CCDC83: variants seen among roughly 807,000 people sequenced by gnomAD.
CCDC83 encodes the protein coiled-coil domain containing 83.
CCDC83 carries 54 observed loss-of-function variants against 50.1 expected under a neutral mutation model. That is an observed-to-expected ratio of 1.08 (90% CI 0.87 to 1.35). The LOEUF is 1.35. Ranked by LOEUF, CCDC83 falls within the 40% of genes most tolerant of loss-of-function variation. The pLI, the probability that CCDC83 is intolerant of heterozygous loss-of-function variation, is 0.00. For synonymous variants in CCDC83, 161 were observed against 153.3 expected, an observed-to-expected ratio of 1.05 and a Z score of -0.37; for missense variants, 518 against 473.9, an observed-to-expected ratio of 1.09 and a Z score of -0.86.
At chr11:85,918,609 C>G (rs530145491) in intron 10 of CCDC83, among the ~76,000 whole-genome samples, 1 of 152,204 alleles carries the variant, frequency 6.6e-6, no homozygotes, top group East Asian at 1.9e-4. Flanking sequence ...TGAGACAGGT[C>G]TCAATCAATT....
At chr11:85,863,587 AGACAGCCT>A (rs2093190075) in intron 1 of CCDC83, among the ~76,000 whole-genome samples, 1 of 152,252 alleles carries the variant, frequency 6.6e-6, no homozygotes, top group Admixed American at 6.5e-5. Flanking sequence ...ACAGACATAA[AGACAGCCT>A]GACTGGAAGT....
At position 85,915,460 on chromosome 11, in the gene CCDC83, C is replaced by T. The variant is rs1289744896; in HGVS notation, c.836C>T (p.Pro279Leu). 6.2e-7 allele frequency: 1 copy of T among 1,613,234 alleles called. No homozygotes were observed. Among genetic ancestry groups the T allele is most frequent in the African/African-American group, 1.3e-5 (1 of 74,866 alleles). The change falls in exon 9 of 11, where the codon CCT becomes CTT. Residue 279 changes from proline (P) to leucine (L), a missense_variant. By Grantham distance (98) the Pro-to-Leu change is moderately conservative. Transcript: ENST00000342404. ...LTQAAGLEVP[P>L]EEMSLELPET... ...CAAGCTGCTGGACTAGAAGTGCCACCTGAAGAAATGTCTTTGGAATTGCCA... is the reference window on the plus strand; with the variant it reads ...CAAGCTGCTGGACTAGAAGTGCCACTTGAAGAAATGTCTTTGGAATTGCCA...
At chr11:85,902,563 C>G (rs998657848) in intron 7 of CCDC83, among the ~76,000 whole-genome samples, 1 of 152,196 alleles carries the variant, frequency 6.6e-6, no homozygotes, top group Non-Finnish European at 1.5e-5. Context: ...ACCAGCTGTG[C>G]AACCGGTGCA....
chr11:85,909,331 C>T (rs1439754824), intron 7 of CCDC83, among the ~76,000 whole-genome samples: 3 of 152,300 alleles, frequency 2.0e-5, no homozygotes, highest in East Asian at 1.9e-4. Flanking sequence ...AACCCCTGTG[C>T]CTTTTTTCTT....
intron 10 of CCDC83, among the ~76,000 whole-genome samples, chr11:85,917,134 A>AAGAGAGAG (rs201907138): frequency 0.026 from 2,047 of 77,880 alleles, 49 homozygotes; most frequent in African/African-American, 0.047. Flanking sequence ...AAGAAAAAGA[A>AAGAGAGAG]AGAGAGAGAG....
At chr11:85,918,893 T>C (rs2093495531) in intron 10 of CCDC83, among the ~76,000 whole-genome samples, 1 of 152,222 alleles carries the variant, frequency 6.6e-6, no homozygotes, top group South Asian at 2.1e-4. Flanking sequence ...TGTGGGGATA[T>C]TTAACCTTTT....
At chr11:85,882,481 C>T in intron 3 of CCDC83, 32 bp from the exon 4 acceptor site, 1 of 1,608,428 alleles carries the variant, frequency 6.2e-7, no homozygotes. Context: ...CATAGTTGAT[C>T]AAACGTGAAT....
chr11:85,880,215 C>T (rs1592152522), intron 3 of CCDC83, among the ~76,000 whole-genome samples: 1 of 152,148 alleles, frequency 6.6e-6, no homozygotes, highest in Non-Finnish European at 1.5e-5. Context: ...GATATCTTTA[C>T]TATGCTGTCT....
rs1554986931 is a variant in CCDC83, at chr11:85,917,206, G to GA, written c.1080+975dup. On this transcript the variant is annotated intron_variant, in intron 10 of 10. Coordinates refer to ENST00000342404, the MANE Select transcript of CCDC83 (RefSeq NM_001286159.2). Reference sequence around the variant, plus strand: ...AAAGAAAGAAAGAGAAAGAAAGAAAGAAGGAAAGAAAGAAAGAAAGAAAGA... The same window carrying GA: ...AAAGAAAGAAAGAGAAAGAAAGAAAGAAAGGAAAGAAAGAAAGAAAGAAAGA... Among the ~76,000 whole-genome samples the GA allele has an allele frequency of 3.4e-3, 427 of 124,872 alleles. 7 individuals are homozygous for GA. Among genetic ancestry groups the GA allele is most frequent in the Middle Eastern group, 7.4e-3 (2 of 270 alleles). The allele number at this position is 124,872 out of a possible 152,430, so 81.9% of individuals were successfully genotyped here.
rs188646229 is a variant in CCDC83, at chr11:85,857,231, C to T, written c.-29+1647C>T. On this transcript the variant is annotated intron_variant, in intron 1 of 10. Coordinates refer to ENST00000342404, the MANE Select transcript of CCDC83 (RefSeq NM_001286159.2). ...ACCCTCCAAGCCCTCGAAGGGCACG[C>T]GCATCACCAGTTGCCTCCATAGGAC... 9.5e-4 allele frequency among the ~76,000 whole-genome samples: 144 copies of T among 152,330 alleles called. 1 individual carries two copies. Among genetic ancestry groups the T allele is most frequent in the Admixed American group, 8.4e-3 (129 of 15,308 alleles).
In CCDC83 at chr11:85,895,264, C is replaced by CTTTTTT. The variant is rs10594256; in HGVS notation, c.512-10_512-5dup. 103 of 363,094 alleles carry CTTTTTT rather than the reference C, an allele frequency of 2.8e-4. 2 individuals are homozygous for CTTTTTT. The highest frequency in any genetic ancestry group is 3.8e-4 in the Admixed American group (6 of 15,852). 22.5% of individuals were successfully genotyped at this position (363,094 alleles called of 1,614,324 possible). A position where few individuals can be genotyped will look rare whatever the true frequency, so the allele number is the denominator to read the frequency against. Reference sequence around the variant, plus strand: ...CATGCTTGATAAGGCTTTTAATTTTCTTTTTTTTTTTTTTTTTTTTTTTTA... The same window carrying CTTTTTT: ...CATGCTTGATAAGGCTTTTAATTTTCTTTTTTTTTTTTTTTTTTTTTTTTTTTTTTA... On this transcript the variant is annotated intron_variant, in intron 5 of 10. Coordinates refer to ENST00000342404, the MANE Select transcript of CCDC83 (RefSeq NM_001286159.2).
chr11:85,859,031 C>G (rs2093159311), intron 1 of CCDC83, among the ~76,000 whole-genome samples: 1 of 151,776 alleles, frequency 6.6e-6, no homozygotes, highest in Admixed American at 6.6e-5. Flanking sequence ...CATAGATCTG[C>G]TACCACTTTG....
intron 1 of CCDC83, among the ~76,000 whole-genome samples, chr11:85,861,933 G>T (rs552818206): frequency 6.6e-6 from 1 of 150,808 alleles, no homozygotes; most frequent in South Asian, 2.1e-4. Flanking sequence ...ACTTGCACCT[G>T]GGAGGCAGAA....
intron 1 of CCDC83, among the ~76,000 whole-genome samples, chr11:85,860,084 C>T (rs185327607): frequency 6.6e-6 from 1 of 151,834 alleles, no homozygotes; most frequent in African/African-American, 2.4e-5. Flanking sequence ...GTCAGGAGAT[C>T]GAGATAGTCC....
At chr11:85,914,564 G>A (rs2093468901) in intron 8 of CCDC83, among the ~76,000 whole-genome samples, 3 of 152,094 alleles carry the variant, frequency 2.0e-5, no homozygotes, top group African/African-American at 4.8e-5. Context: ...ATCTCAAAAC[G>A]AAAACCACTC....
intron 1 of CCDC83, among the ~76,000 whole-genome samples, chr11:85,856,526 C>T (rs2093142415): frequency 6.6e-6 from 1 of 152,158 alleles, no homozygotes; most frequent in Admixed American, 6.5e-5. Context: ...GCAGTTCAAA[C>T]TATTTGATAT....
In CCDC83 at chr11:85,919,489, G is replaced by C. The variant is rs751268459; in HGVS notation, c.1221G>C (p.Lys407Asn). The C allele has an allele frequency of 8.7e-6, 14 of 1,607,896 alleles. No homozygotes were observed. The highest frequency in any genetic ancestry group is 1.3e-5 in the African/African-American group (1 of 74,520). Residue 407 changes from lysine to asparagine, a missense_variant, in exon 11 of 11, where the codon AAG becomes AAC. Coordinates refer to ENST00000342404, the MANE Select transcript of CCDC83 (RefSeq NM_001286159.2). Reference sequence around the variant, plus strand: ...GCCCAGAAAGCCACATCACATATAAGATGATGAAGTCTTTTCTCTAAGACG... The same window carrying C: ...GCCCAGAAAGCCACATCACATATAACATGATGAAGTCTTTTCTCTAAGACG... ...VRSPESHITYKMMKSFL is the reference protein window; with the variant it reads ...VRSPESHITYNMMKSFL
chr11:85,858,063 T>C (rs921536111), intron 1 of CCDC83, among the ~76,000 whole-genome samples: 2 of 152,166 alleles, frequency 1.3e-5, no homozygotes, highest in African/African-American at 4.8e-5. Flanking sequence ...GGTGGACTGG[T>C]ATCAGCTGAA....
At chr11:85,910,530 C>T (rs2093448880) in intron 7 of CCDC83, among the ~76,000 whole-genome samples, 7 of 152,278 alleles carry the variant, frequency 4.6e-5, no homozygotes, top group Admixed American at 4.6e-4. Context: ...AGCATTTTCC[C>T]AGTGTTATTG....
Sources: gnomAD v4.1 joint callset for allele counts (sites outside exome capture counted in the v4.1 genomes callset) on GRCh38, gnomAD v4.1.1 for gene constraint, MANE v1.5 for transcripts, NCBI Gene and HGNC (gene_info 2026-07-23, HGNC 2026-07-21) for gene names.